PTPRG: variants seen among roughly 807,000 people sequenced by gnomAD.
The protein encoded by PTPRG is receptor-type tyrosine-protein phosphatase gamma.
Under a neutral mutation model 165.3 loss-of-function variants are expected in PTPRG, and 102 were observed. The observed-to-expected ratio is 0.62, with a 90% CI of 0.53 to 0.73. The LOEUF (loss-of-function observed/expected upper bound fraction) is 0.73, where lower values mean the gene tolerates loss of function less well. Ranked by LOEUF, PTPRG falls within the 30% of genes least tolerant of loss-of-function variation. The pLI, the probability that PTPRG is intolerant of heterozygous loss-of-function variation, is 0.00. For synonymous variants in PTPRG, 675 were observed against 669.5 expected (o/e 1.01, Z -0.13); for missense variants, 1,866 against 1,861.4 (o/e 1.00, Z -0.05).
At chr3:61,792,728 CTTTCTTTCTTTCTTTCTTTG>C (rs2034923754) in intron 2 of PTPRG, among the ~76,000 whole-genome samples, 2 of 56,010 alleles carry the variant, frequency 3.6e-5, no homozygotes, top group African/African-American at 7.7e-5. Flanking sequence ...TTCTTTCTTT[CTTTCTTTCTTTCTTTCTTTG>C]AGATGGAGTC....
intron 2 of PTPRG, among the ~76,000 whole-genome samples, chr3:61,834,326 T>C (rs2036397210): frequency 2.6e-5 from 4 of 152,204 alleles, no homozygotes; most frequent in Admixed American, 2.6e-4. Flanking sequence ...AGTGTTTTTT[T>C]CTCAAAGATA....
At chr3:61,745,415 G>A (rs2033160274) in intron 1 of PTPRG, among the ~76,000 whole-genome samples, 1 of 152,164 alleles carries the variant, frequency 6.6e-6, no homozygotes, top group Non-Finnish European at 1.5e-5. Context: ...GTTGACAGTA[G>A]TAGTTCAGGA....
At chr3:62,126,932 A>G (rs950872263) in intron 5 of PTPRG, among the ~76,000 whole-genome samples, 7 of 152,254 alleles carry the variant, frequency 4.6e-5, no homozygotes, top group Non-Finnish European at 8.8e-5. Flanking sequence ...AAGAGACACT[A>G]GAAAATGATG....
chr3:61,596,102 G>C (rs1700692464), intron 1 of PTPRG, among the ~76,000 whole-genome samples: 1 of 152,190 alleles, frequency 6.6e-6, no homozygotes, highest in African/African-American at 2.4e-5. Flanking sequence ...TCTTAAGTCA[G>C]TTTTCAGTAA....
In PTPRG at chr3:61,947,447, GCA is replaced by G. The variant is rs1299289608; in HGVS notation, c.191-42175_191-42174del. Among the ~76,000 whole-genome samples, 8 of 152,336 alleles carry G rather than the reference GCA, an allele frequency of 5.3e-5. No homozygotes were observed. The East Asian group carries it at 1.5e-3, about 29-fold the overall frequency. ...TGGGAATGATAAATTGAGATAAAGT[GCA>G]CAGAGTATGCAGTGAAGGAATGTCA... On this transcript the variant is annotated intron_variant, in intron 2 of 29. Coordinates refer to ENST00000474889, the MANE Select transcript of PTPRG (RefSeq NM_002841.4).
At chr3:62,262,767 G>T (rs1167652320) in intron 16 of PTPRG, 31 bp from the exon 17 acceptor site, 1 of 1,527,222 alleles carries the variant, frequency 6.5e-7, no homozygotes, top group Non-Finnish European at 9.0e-7. Context: ...TTTCTAAACT[G>T]TGTCTATAAT....
intron 4 of PTPRG, among the ~76,000 whole-genome samples, chr3:62,058,819 C>T (rs975309596): frequency 2.0e-5 from 3 of 152,128 alleles, no homozygotes; most frequent in Admixed American, 1.3e-4. Flanking sequence ...AAAACAGAGC[C>T]CCAGTGATCT....
intron 2 of PTPRG, among the ~76,000 whole-genome samples, chr3:61,917,279 A>C (rs1035618187): frequency 1.3e-5 from 2 of 152,184 alleles, no homozygotes; most frequent in African/African-American, 4.8e-5. Flanking sequence ...AGGCTGAATA[A>C]TTCGCAGCAT....
At chr3:61,804,697 A>T (rs1305674947) in intron 2 of PTPRG, among the ~76,000 whole-genome samples, 1 of 151,596 alleles carries the variant, frequency 6.6e-6, no homozygotes, top group South Asian at 2.1e-4. Context: ...AAAAAAAAAT[A>T]AAATCTACCT....
At chr3:62,124,065 C>CTTTTT in intron 5 of PTPRG, 1 of 464,868 alleles carries the variant, frequency 2.2e-6, no homozygotes, top group Non-Finnish European at 3.8e-6. Flanking sequence ...TTTTCCTTCC[C>CTTTTT]TTTTTTTTTT....
At chr3:62,114,924 G>A (rs1576019613) in intron 5 of PTPRG, among the ~76,000 whole-genome samples, 1 of 152,086 alleles carries the variant, frequency 6.6e-6, no homozygotes. Flanking sequence ...ACAGACATAA[G>A]CCACCACACC....
At chr3:61,870,558 ATTT>A (rs71100986) in intron 2 of PTPRG, among the ~76,000 whole-genome samples, 16 of 48,308 alleles carry the variant, frequency 3.3e-4, no homozygotes, top group African/African-American at 1.3e-3. Flanking sequence ...GTAGAGATGG[ATTT>A]TTTTTTTTTT....
chr3:62,162,810 G>T lies in PTPRG; in HGVS notation c.841-5161G>T, dbSNP rs143236838. Reference sequence around the variant, plus strand: ...CCTTTTATGCCTGTGGCATGAAATAGCTGAGAGCATACAAAATAGAGTCAC... The same window carrying T: ...CCTTTTATGCCTGTGGCATGAAATATCTGAGAGCATACAAAATAGAGTCAC... On this transcript the variant is annotated intron_variant, in intron 7 of 29. Coordinates refer to ENST00000474889, the MANE Select transcript of PTPRG (RefSeq NM_002841.4). 8.6e-4 allele frequency among the ~76,000 whole-genome samples: 131 copies of T among 152,316 alleles called. 5 individuals carry two copies. The East Asian group carries it at 0.021, about 24-fold the overall frequency.
intron 4 of PTPRG, among the ~76,000 whole-genome samples, chr3:62,072,209 A>C (rs1287478285): frequency 6.6e-6 from 1 of 152,184 alleles, no homozygotes; most frequent in Non-Finnish European, 1.5e-5. Flanking sequence ...CCCTGTACTC[A>C]CAGTGTCCTT....
In PTPRG at chr3:62,222,675, A is replaced by C. The variant is rs1243065295; in HGVS notation, c.2288+3692A>C. On this transcript the variant is annotated intron_variant, in intron 13 of 29. Coordinates refer to ENST00000474889, the MANE Select transcript of PTPRG (RefSeq NM_002841.4). The surrounding 1 kb of genome is among the most constrained non-coding windows in gnomAD (Gnocchi z 4.5). The stretch of plus-strand genomic sequence containing the variant: ...GCTTTCCAAAGGACCATCAAGACCT[A>C]AAAAAGTGAGTAGAAGGTTCAGCTA... 6.6e-6 allele frequency among the ~76,000 whole-genome samples: 1 copy of C among 152,224 alleles called. No homozygotes were observed. Among genetic ancestry groups the C allele is most frequent in the African/African-American group, 2.4e-5 (1 of 41,462 alleles).
At chr3:61,833,797 T>A (rs1403567587) in intron 2 of PTPRG, among the ~76,000 whole-genome samples, 1 of 152,124 alleles carries the variant, frequency 6.6e-6, no homozygotes, top group African/African-American at 2.4e-5. Flanking sequence ...ACTCCTGAGC[T>A]AAGGCAGTGT....
intron 5 of PTPRG, among the ~76,000 whole-genome samples, chr3:62,126,335 A>C (rs537628656): frequency 5.3e-5 from 8 of 152,340 alleles, no homozygotes; most frequent in African/African-American, 1.9e-4. Context: ...CATGAATCTC[A>C]ATTCTCTGGA....
intron 1 of PTPRG, among the ~76,000 whole-genome samples, chr3:61,617,937 G>A (rs57484041): frequency 0.03 from 4,624 of 152,306 alleles, 238 homozygotes; most frequent in African/African-American, 0.11. Flanking sequence ...ACGTCTGATA[G>A]TGCTGCAGAC....
At chr3:61,665,017 G>A (rs1216511636) in intron 1 of PTPRG, among the ~76,000 whole-genome samples, 5 of 152,214 alleles carry the variant, frequency 3.3e-5, no homozygotes, top group Non-Finnish European at 7.4e-5. Context: ...GTCTCTATCA[G>A]TGTCACCCCT....
Sources: gnomAD v4.1 joint callset for allele counts (sites outside exome capture counted in the v4.1 genomes callset) on GRCh38, gnomAD v4.1.1 for gene constraint, Gnocchi (gnomAD v3.1) non-coding constraint, MANE v1.5 for transcripts, NCBI Gene and HGNC (gene_info 2026-07-23, HGNC 2026-07-21) for gene names.